Variants in NR5A2 observed in about 807,000 individuals in gnomAD.
The protein encoded by NR5A2 is nuclear receptor subfamily 5 group A member 2.
NR5A2 carries 26 observed loss-of-function variants against 62.7 expected under a neutral mutation model. That is an observed-to-expected ratio of 0.41 (90% confidence interval 0.30 to 0.58). The LOEUF is 0.58. NR5A2 is among the 20% of genes least tolerant of loss of function. NR5A2 has a pLI of 0.22. For missense variants in NR5A2, 541 were observed against 669.1 expected (o/e 0.81, Z 2.11); for synonymous variants, 246 against 241.7 (o/e 1.02, Z -0.16).
At chr1:200,072,911 T>C (rs1165421233) in intron 5 of NR5A2, among the ~76,000 whole-genome samples, 1 of 152,180 alleles carries the variant, frequency 6.6e-6, no homozygotes, top group Non-Finnish European at 1.5e-5. Context: ...AATTGATTTT[T>C]AGAAAGGACA....
intron 7 of NR5A2, among the ~76,000 whole-genome samples, chr1:200,165,971 T>C (rs1653881313): frequency 1.3e-5 from 2 of 152,246 alleles, no homozygotes; most frequent in African/African-American, 4.8e-5. Flanking sequence ...CCTCTGTTCC[T>C]CATTCCTGCC....
chr1:200,146,961 C>CT (rs34977677), intron 7 of NR5A2, among the ~76,000 whole-genome samples: 109 of 146,992 alleles, frequency 7.4e-4, no homozygotes, highest in South Asian at 3.6e-3. Context: ...TCCTTGTATC[C>CT]TTTTTTTTTT....
chr1:200,049,945 C>T (rs904780752), intron 5 of NR5A2, among the ~76,000 whole-genome samples: 4 of 152,184 alleles, frequency 2.6e-5, no homozygotes, highest in African/African-American at 4.8e-5. Flanking sequence ...GTTCTTTGTA[C>T]ATGGAAGCAA....
chr1:200,067,386 G>A (rs966927170), intron 5 of NR5A2, among the ~76,000 whole-genome samples: 6 of 152,166 alleles, frequency 3.9e-5, no homozygotes, highest in South Asian at 2.1e-4. Context: ...GAGAAACCCC[G>A]TCTCTACTAA....
At chr1:200,098,541 T>C (rs949906614) in intron 5 of NR5A2, among the ~76,000 whole-genome samples, 1 of 152,260 alleles carries the variant, frequency 6.6e-6, no homozygotes, top group Non-Finnish European at 1.5e-5. Context: ...GAAAGAGCAC[T>C]GGGCTTGGAT....
chr1:200,055,623 G>A (rs1662881189), intron 5 of NR5A2, among the ~76,000 whole-genome samples: 1 of 152,178 alleles, frequency 6.6e-6, no homozygotes, highest in Non-Finnish European at 1.5e-5. Context: ...GGTCCAACAC[G>A]AGCACTCCTC....
intron 7 of NR5A2, among the ~76,000 whole-genome samples, chr1:200,122,262 G>A (rs571536337): frequency 6.6e-6 from 1 of 152,288 alleles, no homozygotes; most frequent in African/African-American, 2.4e-5. Context: ...AAGGAAGATA[G>A]CAAGCATACG....
At chr1:200,093,364 G>A (rs1041967253) in intron 5 of NR5A2, among the ~76,000 whole-genome samples, 1 of 152,044 alleles carries the variant, frequency 6.6e-6, no homozygotes, top group African/African-American at 2.4e-5. Context: ...TGGTGAATCC[G>A]GCTCATAAAA....
At chr1:200,072,769 T>C (rs746295931) in intron 5 of NR5A2, among the ~76,000 whole-genome samples, 1 of 152,164 alleles carries the variant, frequency 6.6e-6, no homozygotes, top group African/African-American at 2.4e-5. Context: ...AGCACCTCCA[T>C]CTCTGCTACT....
chr1:200,079,387 T>C (rs1169352533), intron 5 of NR5A2, among the ~76,000 whole-genome samples: 1 of 152,180 alleles, frequency 6.6e-6, no homozygotes, highest in South Asian at 2.1e-4. Context: ...GGCCCGCTGC[T>C]TTACATTTAC....
At chr1:200,097,983 T>C (rs1430741487) in intron 5 of NR5A2, among the ~76,000 whole-genome samples, 2 of 152,246 alleles carry the variant, frequency 1.3e-5, no homozygotes. Flanking sequence ...GCAGCTTGTG[T>C]AGAATGTTTT....
intron 6 of NR5A2, among the ~76,000 whole-genome samples, chr1:200,112,495 T>C (rs1666000865): frequency 6.6e-6 from 1 of 152,198 alleles, no homozygotes; most frequent in African/African-American, 2.4e-5. Flanking sequence ...TTATGTGCTG[T>C]GAAACCACAG....
intron 5 of NR5A2, among the ~76,000 whole-genome samples, chr1:200,088,167 A>G (rs756081027): frequency 5.9e-5 from 9 of 152,108 alleles, no homozygotes; most frequent in Non-Finnish European, 1.3e-4. Flanking sequence ...GGTTTCCCAA[A>G]GTGTTGGCAT....
chr1:200,120,140 TCTG>T (rs1218698159), intron 6 of NR5A2, among the ~76,000 whole-genome samples: 19 of 152,196 alleles, frequency 1.2e-4, no homozygotes, highest in African/African-American at 4.3e-4. Flanking sequence ...AATTAACACT[TCTG>T]CTGTTCTATA....
rs138519275 is a variant in NR5A2, at chr1:200,133,505, C to CTATATATATATATA, written c.1378+12559_1378+12572dup. ...TAATGATGTTTTGGTCACTGATGGA[C>CTATATATATATATA]TATATATATATATATATATATACAC... is the stretch of plus-strand genomic sequence containing the variant. On this transcript the variant is annotated intron_variant, in intron 7 of 7. Transcript: ENST00000367362. Among the ~76,000 whole-genome samples the CTATATATATATATA allele has an allele frequency of 7.3e-3, 974 of 134,250 alleles. 6 individuals carry two copies. Among genetic ancestry groups the CTATATATATATATA allele is most frequent in the Middle Eastern group, 0.012 (3 of 250 alleles). 88.1% of individuals were successfully genotyped at this position (134,250 alleles called of 152,430 possible). A position where few individuals can be genotyped will look rare whatever the true frequency, so the allele number is the denominator to read the frequency against.
intron 7 of NR5A2, among the ~76,000 whole-genome samples, chr1:200,121,571 T>C (rs2102311512): frequency 6.6e-6 from 1 of 152,274 alleles, no homozygotes; most frequent in Non-Finnish European, 1.5e-5. Context: ...AGTGAGTCAG[T>C]TGAGAAAAAT....
chr1:200,136,434 T>A (rs773613486), intron 7 of NR5A2, among the ~76,000 whole-genome samples: 7 of 152,206 alleles, frequency 4.6e-5, no homozygotes, highest in Non-Finnish European at 8.8e-5. Context: ...AATAGCTACA[T>A]CTTATTGTCC....
chr1:200,039,791 G>T lies in NR5A2; in HGVS notation c.198G>T (p.Met66Ile). Reference sequence around the variant, plus strand: ...AACAGGGCCAGATGCCGGAAAACATGCAAGGTAAGGAGGCGCCGCGCGGCG... The same window carrying T: ...AACAGGGCCAGATGCCGGAAAACATTCAAGGTAAGGAGGCGCCGCGCGGCG... Reference protein sequence around the residue: ...HGEQGQMPENMQVSQFKMVNY... With the variant: ...HGEQGQMPENIQVSQFKMVNY... Residue 66 changes from methionine to isoleucine, a missense_variant, in exon 2 of 8, where the codon ATG becomes ATT. Physicochemically the swap from Met to Ile is conservative, Grantham distance 10. Transcript: ENST00000367362. The surrounding 1 kb of genome is among the most constrained non-coding windows in gnomAD (Gnocchi z 5.1). 3 of 1,601,844 alleles carry T rather than the reference G, an allele frequency of 1.9e-6. No homozygotes were observed. Among genetic ancestry groups the T allele is most frequent in the Non-Finnish European group, 2.6e-6 (3 of 1,174,796 alleles).
intron 5 of NR5A2, among the ~76,000 whole-genome samples, chr1:200,097,231 TAAAC>T (rs1168374266): frequency 1.3e-5 from 2 of 152,130 alleles, no homozygotes; most frequent in African/African-American, 2.4e-5. Flanking sequence ...TTTTTTAAAA[TAAAC>T]CTTTGTCAGA....
Sources: allele counts gnomAD v4.1 joint callset (sites outside exome capture counted in the v4.1 genomes callset), GRCh38; gene constraint gnomAD v4.1.1; non-coding constraint Gnocchi (gnomAD v3.1); transcripts MANE v1.5; gene names NCBI Gene and HGNC (gene_info 2026-07-23, HGNC 2026-07-21).